Variants in TTC28 observed in about 807,000 individuals in gnomAD.
TTC28 encodes tetratricopeptide repeat protein 28.
In TTC28, 61 loss-of-function variants were observed where a neutral mutation model predicts 198.0. The ratio of observed to expected loss-of-function variants is 0.31; its 90% CI spans 0.25 to 0.38. TTC28 has a LOEUF of 0.38. Among genes scored for constraint, TTC28 ranks in the 10% least tolerant of loss-of-function variants. The probability of loss-of-function intolerance (pLI) is 1.00; values close to 1 mark genes in which losing one functional copy is unlikely to be tolerated. For missense variants in TTC28, 2,678 were observed against 3,164.0 expected (o/e 0.85, Z 3.69); for synonymous variants, 1,171 against 1,297.8 (o/e 0.90, Z 2.10).
intron 5 of TTC28, among the ~76,000 whole-genome samples, chr22:28,240,673 G>A (rs1356092037): frequency 6.6e-6 from 1 of 152,096 alleles, no homozygotes; most frequent in African/African-American, 2.4e-5. Flanking sequence ...CTCCCTTAAA[G>A]GGAACCAGGG....
chr22:28,310,784 AT>A (rs749034032), intron 2 of TTC28, among the ~76,000 whole-genome samples: 397 of 144,534 alleles, frequency 2.7e-3, no homozygotes, highest in Middle Eastern at 7.1e-3. Flanking sequence ...TTATAATTTA[AT>A]TTTTTTTTTT....
intron 6 of TTC28, among the ~76,000 whole-genome samples, chr22:28,161,940 T>C (rs1325066149): frequency 2.6e-5 from 4 of 151,844 alleles, no homozygotes; most frequent in South Asian, 2.1e-4. Context: ...GGAAGGTGGC[T>C]AAGTTTTACA....
At chr22:28,036,569 G>A (rs960738449) in intron 12 of TTC28, among the ~76,000 whole-genome samples, 7 of 152,112 alleles carry the variant, frequency 4.6e-5, no homozygotes, top group Admixed American at 1.3e-4. Flanking sequence ...GAAAGCAGGA[G>A]AGATCTAAAA....
At chr22:28,593,770 C>A (rs1196978397) in intron 2 of TTC28, among the ~76,000 whole-genome samples, 1 of 152,072 alleles carries the variant, frequency 6.6e-6, no homozygotes, top group Non-Finnish European at 1.5e-5. Context: ...AGAACATATT[C>A]ATATAATTTT....
At chr22:28,173,210 T>A (rs1000280648) in intron 5 of TTC28, among the ~76,000 whole-genome samples, 7 of 152,174 alleles carry the variant, frequency 4.6e-5, no homozygotes, top group African/African-American at 1.7e-4. Context: ...ATCAGCTAAG[T>A]GAATCACAAA....
chr22:28,053,445 A>G (rs1011903194), intron 12 of TTC28, among the ~76,000 whole-genome samples: 1 of 152,232 alleles, frequency 6.6e-6, no homozygotes, highest in African/African-American at 2.4e-5. Context: ...TATATGTATC[A>G]TAAGAAGTGA....
rs115817954 is a variant in TTC28 at position 28,509,552 on chromosome 22, T to C, written c.381+120000A>G. ...AAAGCGGTGTTAAGAGGGAAATGTA[T>C]AGTATTACATGCCCAAATCAAAAAG... is the stretch of plus-strand genomic sequence containing the variant. On this transcript the variant is annotated intron_variant, in intron 2 of 22. Transcript: ENST00000397906. 8.7e-3 allele frequency among the ~76,000 whole-genome samples: 1,323 copies of C among 152,302 alleles called. 19 individuals are homozygous for C. The highest frequency in any genetic ancestry group is 0.03 in the African/African-American group (1,261 of 41,562).
At chr22:28,438,362 A>C (rs1005635755) in intron 2 of TTC28, among the ~76,000 whole-genome samples, 1 of 152,230 alleles carries the variant, frequency 6.6e-6, no homozygotes, top group African/African-American at 2.4e-5. Flanking sequence ...ACAAATCTAC[A>C]GGGCATAATC....
intron 2 of TTC28, among the ~76,000 whole-genome samples, chr22:28,440,416 GAA>G (rs2047601381): frequency 6.6e-6 from 1 of 152,142 alleles, no homozygotes; most frequent in South Asian, 2.1e-4. Flanking sequence ...AGTAAGCAGA[GAA>G]AAGAGAGGAG....
At chr22:28,014,921 T>C (rs1225343923) in intron 13 of TTC28, among the ~76,000 whole-genome samples, 1 of 152,214 alleles carries the variant, frequency 6.6e-6, no homozygotes, top group Non-Finnish European at 1.5e-5. Flanking sequence ...CATGGCCTCA[T>C]TGGGAAGATG....
At chr22:28,187,756 G>A (rs1458387248) in intron 5 of TTC28, among the ~76,000 whole-genome samples, 1 of 152,156 alleles carries the variant, frequency 6.6e-6, no homozygotes, top group Non-Finnish European at 1.5e-5. Context: ...TGTGCTTCAG[G>A]GGTTTGGTAA....
At chr22:28,397,423 C>T (rs1037032632) in intron 2 of TTC28, among the ~76,000 whole-genome samples, 3 of 152,220 alleles carry the variant, frequency 2.0e-5, no homozygotes, top group African/African-American at 7.2e-5. Context: ...AAAGCTAGTG[C>T]TCACAAAGAA....
intron 2 of TTC28, among the ~76,000 whole-genome samples, chr22:28,528,573 A>C (rs958849213): frequency 1.4e-5 from 2 of 140,900 alleles, no homozygotes; most frequent in Admixed American, 7.2e-5. Flanking sequence ...ATAAAACTAC[A>C]AAAAAAAAAA....
chr22:28,094,693 A>C lies in TTC28; in HGVS notation c.3767-448T>G, dbSNP rs12169162. On this transcript the variant is annotated intron_variant, in intron 11 of 22. Transcript: ENST00000397906. ...AACAGAGCTTTCATTTCACAAAAGCAAATTATAATAAATATGTAGTATAAA... is the reference window on the plus strand; with the variant it reads ...AACAGAGCTTTCATTTCACAAAAGCCAATTATAATAAATATGTAGTATAAA... Among the ~76,000 whole-genome samples, 1,037 of 152,382 alleles carry C rather than the reference A, an allele frequency of 6.8e-3. 5 individuals carry two copies. Among genetic ancestry groups the C allele is most frequent in the Non-Finnish European group, 9.7e-3 (662 of 68,040 alleles).
At chr22:28,161,901 AGGAG>A (rs59668076) in intron 6 of TTC28, among the ~76,000 whole-genome samples, 26 of 115,688 alleles carry the variant, frequency 2.2e-4, no homozygotes, top group Admixed American at 1.0e-3. Context: ...AAGGGAAGGA[AGGAG>A]GGAGGGAGGG....
At chr22:28,152,076 T>A (rs1183652244) in intron 6 of TTC28, among the ~76,000 whole-genome samples, 1 of 152,204 alleles carries the variant, frequency 6.6e-6, no homozygotes, top group South Asian at 2.1e-4. Context: ...ATAAACTGTA[T>A]GAATTTGGGC....
At chr22:28,588,014 C>T (rs1453334104) in intron 2 of TTC28, among the ~76,000 whole-genome samples, 1 of 151,426 alleles carries the variant, frequency 6.6e-6, no homozygotes, top group Admixed American at 6.6e-5. Flanking sequence ...TGGTGGCAGG[C>T]GCCTGTAGTC....
chr22:28,517,049 T>TG (rs1293713732), intron 2 of TTC28, among the ~76,000 whole-genome samples: 1 of 152,224 alleles, frequency 6.6e-6, no homozygotes, highest in African/African-American at 2.4e-5. Context: ...TACCCAGGGT[T>TG]GCACAGTTAG....
intron 5 of TTC28, among the ~76,000 whole-genome samples, chr22:28,267,861 G>T (rs1203317346): frequency 6.6e-6 from 1 of 152,180 alleles, no homozygotes; most frequent in Non-Finnish European, 1.5e-5. Context: ...TGATTCATAT[G>T]TCACATTCCA....
Sources: gnomAD v4.1 joint callset for allele counts (sites outside exome capture counted in the v4.1 genomes callset) on GRCh38, gnomAD v4.1.1 for gene constraint, MANE v1.5 for transcripts, NCBI Gene and HGNC (gene_info 2026-07-23, HGNC 2026-07-21) for gene names.